The following CDH13 variants were observed in gnomAD, a reference collection of about 807,000 sequenced individuals.
CDH13 encodes cadherin-13.
CDH13 carries 24 observed loss-of-function variants against 63.8 expected under a neutral mutation model. That is an observed-to-expected ratio of 0.38 (90% CI 0.27 to 0.53). The LOEUF is 0.53. Among genes scored for constraint, CDH13 ranks in the 20% least tolerant of loss-of-function variants. The pLI is 0.85. For missense variants in CDH13, 1,049 were observed against 903.1 expected (o/e 1.16, Z -2.07); for synonymous variants, 503 against 355.3 (o/e 1.42, Z -4.67).
At chr16:83,538,202 C>G (rs146725293) in intron 7 of CDH13, among the ~76,000 whole-genome samples, 1 of 152,152 alleles carries the variant, frequency 6.6e-6, no homozygotes, top group Non-Finnish European at 1.5e-5. Flanking sequence ...TAGAGGAGGA[C>G]TTGGGAAGCT....
chr16:83,362,164 C>T (rs1236975660), intron 6 of CDH13, among the ~76,000 whole-genome samples: 2 of 152,186 alleles, frequency 1.3e-5, no homozygotes, highest in Non-Finnish European at 2.9e-5. Flanking sequence ...AATCTGGTTT[C>T]TTCCAAAGTG....
chr16:83,577,660 G>C (rs753252262), intron 7 of CDH13, among the ~76,000 whole-genome samples: 1 of 152,204 alleles, frequency 6.6e-6, no homozygotes, highest in Non-Finnish European at 1.5e-5. Flanking sequence ...GGCTGAGGAG[G>C]AGAAAGGGGT....
intron 1 of CDH13, among the ~76,000 whole-genome samples, chr16:82,672,999 C>CTTTTTTTTTT (rs562942948): frequency 0.037 from 3,021 of 81,140 alleles, 578 homozygotes; most frequent in Non-Finnish European, 0.048. Context: ...ATAAAGTTTT[C>CTTTTTTTTTT]TTTTTTTTTT....
intron 1 of CDH13, among the ~76,000 whole-genome samples, chr16:82,710,986 A>C (rs1487552845): frequency 6.6e-6 from 1 of 151,236 alleles, no homozygotes; most frequent in East Asian, 1.9e-4. Context: ...AACAAGGTGC[A>C]GAAAGAAGCT....
intron 6 of CDH13, among the ~76,000 whole-genome samples, chr16:83,420,493 C>T (rs558448357): frequency 1.3e-5 from 2 of 152,278 alleles, no homozygotes; most frequent in South Asian, 2.1e-4. Flanking sequence ...TGCTCTCTCT[C>T]GTAATAGTTC....
intron 2 of CDH13, among the ~76,000 whole-genome samples, chr16:82,903,495 C>T (rs1208539569): frequency 6.6e-6 from 1 of 152,180 alleles, no homozygotes; most frequent in Non-Finnish European, 1.5e-5. Flanking sequence ...TAGTTTTTTC[C>T]TAATTCTGGC....
chr16:83,710,779 C>G (rs1333854401), intron 10 of CDH13, among the ~76,000 whole-genome samples: 1 of 152,164 alleles, frequency 6.6e-6, no homozygotes, highest in Non-Finnish European at 1.5e-5. Flanking sequence ...CCTCTAAGCA[C>G]TCAATAAACA....
At chr16:83,055,752 G>A (rs1320147812) in intron 3 of CDH13, among the ~76,000 whole-genome samples, 1 of 151,992 alleles carries the variant, frequency 6.6e-6, no homozygotes, top group Non-Finnish European at 1.5e-5. Context: ...TCTTTCTGAA[G>A]GCCAACATAA....
intron 1 of CDH13, among the ~76,000 whole-genome samples, chr16:82,818,347 A>G (rs551502253): frequency 8.5e-5 from 13 of 152,302 alleles, no homozygotes; most frequent in African/African-American, 3.1e-4. Context: ...AAAAAAGACC[A>G]CTTTCTTCCA....
chr16:83,176,285 GCAGA>G (rs1314971002), intron 4 of CDH13, among the ~76,000 whole-genome samples: 2 of 152,044 alleles, frequency 1.3e-5, no homozygotes, highest in Non-Finnish European at 2.9e-5. Flanking sequence ...GCTGAGGCAG[GCAGA>G]CCACGAGGTC....
chr16:82,704,738 C>G (rs979812651), intron 1 of CDH13, among the ~76,000 whole-genome samples: 1 of 152,210 alleles, frequency 6.6e-6, no homozygotes, highest in Non-Finnish European at 1.5e-5. Flanking sequence ...TTATTAGAAT[C>G]TGCTTTGCAC....
chr16:83,756,520 T>A (rs1252213694), intron 11 of CDH13, among the ~76,000 whole-genome samples: 1 of 152,254 alleles, frequency 6.6e-6, no homozygotes, highest in Non-Finnish European at 1.5e-5. Context: ...CACAAATTTT[T>A]AAACTTTCTT....
chr16:83,503,807 G>A (rs1309586779), intron 7 of CDH13, among the ~76,000 whole-genome samples: 2 of 151,950 alleles, frequency 1.3e-5, no homozygotes, highest in Non-Finnish European at 2.9e-5. Context: ...TTGCCAGATG[G>A]GTAGATTGCA....
rs555438510 is a variant in CDH13, at chr16:82,844,762, C to T, written c.46-13600C>T. 2.5e-4 allele frequency: 37 copies of T among 148,476 alleles called. 2 individuals are homozygous for T. The highest frequency in any genetic ancestry group is 8.4e-4 in the African/African-American group (34 of 40,334). 9.2% of individuals were successfully genotyped at this position (148,476 alleles called of 1,614,324 possible). ...TCACGCTATTCTCCTGCCTCAGCCT[C>T]CTGAGTATCTGGGACTACAGGCGCC... On this transcript the variant is annotated intron_variant, in intron 1 of 13. Transcript: ENST00000567109.
chr16:82,962,898 T>C (rs749413015), intron 2 of CDH13, among the ~76,000 whole-genome samples: 1 of 152,128 alleles, frequency 6.6e-6, no homozygotes. Context: ...AAGACACATA[T>C]CTTTAAAAAA....
chr16:83,248,661 G>T (rs1567537456), intron 5 of CDH13, among the ~76,000 whole-genome samples: 1 of 152,078 alleles, frequency 6.6e-6, no homozygotes, highest in East Asian at 1.9e-4. Flanking sequence ...TCTCCTTCAT[G>T]TACTTCTCTT....
At chr16:83,125,965 C>G (rs974609938) in intron 4 of CDH13, among the ~76,000 whole-genome samples, 12 of 152,060 alleles carry the variant, frequency 7.9e-5, no homozygotes, top group Non-Finnish European at 1.6e-4. Context: ...TATCCAGAAT[C>G]GGATATGGAA....
At position 83,728,342 on chromosome 16, in the gene CDH13, CGTGTGTGT is replaced by C. The variant is rs145865689; in HGVS notation, c.1539-19753_1539-19746del. ...CTATGTGTGTATGTGTATGTGTGTG[CGTGTGTGT>C]GTGTGTGTGTGTTGTGAAGATACAT... On this transcript the variant is annotated intron_variant, in intron 10 of 13. Coordinates refer to ENST00000567109, the MANE Select transcript of CDH13 (RefSeq NM_001257.5). 7.7e-3 allele frequency among the ~76,000 whole-genome samples: 1,152 copies of C among 149,320 alleles called. 9 individuals are homozygous for C. Among genetic ancestry groups the C allele is most frequent in the Non-Finnish European group, 0.013 (853 of 67,514 alleles).
intron 6 of CDH13, among the ~76,000 whole-genome samples, chr16:83,470,031 C>T (rs2073415233): frequency 6.6e-6 from 1 of 152,162 alleles, no homozygotes; most frequent in East Asian, 1.9e-4. Context: ...CTTGTTGTAA[C>T]AGGCAACTAT....
Sources: gnomAD v4.1 joint callset for allele counts (sites outside exome capture counted in the v4.1 genomes callset) on GRCh38, gnomAD v4.1.1 for gene constraint, MANE v1.5 for transcripts, NCBI Gene and HGNC (gene_info 2026-07-23, HGNC 2026-07-21) for gene names.